The following FGF12 variants were observed in gnomAD, a reference collection of about 807,000 sequenced individuals.
The protein encoded by FGF12 is fibroblast growth factor 12B.
Under a neutral mutation model 23.6 loss-of-function variants are expected in FGF12, and 14 were observed. The ratio of observed to expected loss-of-function variants is 0.59; its 90% CI spans 0.39 to 0.93. The LOEUF is 0.93. Among genes scored for constraint, FGF12 ranks in the 40% least tolerant of loss-of-function variants. The pLI is 0.00. For synonymous variants in FGF12, 62 were observed against 77.3 expected (o/e 0.80, Z 1.04); for missense variants, 175 against 217.8 (o/e 0.80, Z 1.24).
In FGF12 at chr3:192,641,222, C is replaced by A. The variant is rs1276901443; in HGVS notation, c.13+85959G>T. ...CCGGGTTCACGCCATTCTCCTGCCT[C>A]AGCCTCCCAAGTAGCTGGGACTACA... is the stretch of plus-strand genomic sequence containing the variant. On this transcript the variant is annotated intron_variant, in intron 2 of 5. Transcript: ENST00000445105. Among the ~76,000 whole-genome samples the A allele has an allele frequency of 2.2e-4, 19 of 86,552 alleles. 7 individuals are homozygous for A. Among genetic ancestry groups the A allele is most frequent in the Non-Finnish European group, 4.2e-4 (17 of 40,144 alleles). 56.8% of individuals were successfully genotyped at this position (86,552 alleles called of 152,430 possible). A position where few individuals can be genotyped will look rare whatever the true frequency, so the allele number is the denominator to read the frequency against.
At chr3:192,390,296 C>CA (rs1194763518) in intron 2 of FGF12, among the ~76,000 whole-genome samples, 1 of 152,116 alleles carries the variant, frequency 6.6e-6, no homozygotes, top group Non-Finnish European at 1.5e-5. Context: ...ATGCCATACT[C>CA]AGAGTGTGGG....
intron 2 of FGF12, among the ~76,000 whole-genome samples, chr3:192,510,972 T>C (rs1379137327): frequency 6.6e-6 from 1 of 152,138 alleles, no homozygotes; most frequent in Non-Finnish European, 1.5e-5. Context: ...TTAGGAAAGA[T>C]GGAGTTTGAG....
intron 4 of FGF12, among the ~76,000 whole-genome samples, chr3:192,187,214 G>A (rs540964331): frequency 7.5e-4 from 114 of 152,272 alleles, no homozygotes; most frequent in Non-Finnish European, 1.4e-3. Context: ...TGGGAGAGCA[G>A]AACAATATGT....
At position 192,415,684 on chromosome 3, in the gene FGF12, T is replaced by C. The variant is rs1721325233; in HGVS notation, c.14-55146A>G. 1.3e-5 allele frequency among the ~76,000 whole-genome samples: 2 copies of C among 151,108 alleles called. 1 individual carries two copies. Among genetic ancestry groups the C allele is most frequent in the South Asian group, 4.2e-4 (2 of 4,784 alleles). On this transcript the variant is annotated intron_variant, in intron 2 of 5. Coordinates refer to ENST00000445105, the MANE Select transcript of FGF12 (RefSeq NM_004113.6). ...TCTGCTCTGATCACCCCCATCCCCA[T>C]ATCTAGGCCTATATTTTCAGTTCTG...
chr3:192,351,110 T>G (rs151240178), intron 3 of FGF12, among the ~76,000 whole-genome samples: 90 of 152,370 alleles, frequency 5.9e-4, no homozygotes, highest in African/African-American at 1.9e-3. Flanking sequence ...TTTTGCCTTC[T>G]TTTGTAATGT....
At chr3:192,644,702 T>C (rs1715935989) in intron 2 of FGF12, among the ~76,000 whole-genome samples, 1 of 152,210 alleles carries the variant, frequency 6.6e-6, no homozygotes, top group African/African-American at 2.4e-5. Flanking sequence ...GCTGTGGGAC[T>C]GCAAGTAAGA....
At chr3:192,246,839 GGAGAGAGAGAGAGGAAA>G (rs1279044301) in intron 4 of FGF12, among the ~76,000 whole-genome samples, 15 of 131,342 alleles carry the variant, frequency 1.1e-4, no homozygotes, top group South Asian at 2.4e-4. Flanking sequence ...AAAAAAAAAA[GGAGAGAGAGAGAGGAAA>G]GAGAGAGAGA....
At chr3:192,400,251 G>A (rs750528684) in intron 2 of FGF12, among the ~76,000 whole-genome samples, 4 of 152,052 alleles carry the variant, frequency 2.6e-5, no homozygotes, top group Non-Finnish European at 5.9e-5. Flanking sequence ...TTGACGATTC[G>A]AAGGCCAATG....
intron 3 of FGF12, among the ~76,000 whole-genome samples, chr3:192,357,925 A>T (rs1718549770): frequency 6.6e-6 from 1 of 152,208 alleles, no homozygotes; most frequent in Non-Finnish European, 1.5e-5. Context: ...ACATAGAAAC[A>T]ATGATTATAC....
At position 192,372,219 on chromosome 3, in the gene FGF12, G is replaced by A. The variant is rs1024106913; in HGVS notation, c.14-11681C>T. On this transcript the variant is annotated intron_variant, in intron 2 of 5. Coordinates refer to ENST00000445105, the MANE Select transcript of FGF12 (RefSeq NM_004113.6). ...CAGGCATGACAGTTCCCTGACATCA[G>A]GGGAGCTGCACAAATGTTGGACTTG... Among the ~76,000 whole-genome samples the A allele has an allele frequency of 2.7e-4, 41 of 152,204 alleles. 1 individual carries two copies. Among genetic ancestry groups the A allele is most frequent in the South Asian group, 2.1e-4 (1 of 4,830 alleles).
chr3:192,260,369 G>A (rs1312257142), intron 4 of FGF12, among the ~76,000 whole-genome samples: 5 of 152,176 alleles, frequency 3.3e-5, no homozygotes, highest in African/African-American at 1.2e-4. Context: ...TTTTTACTGT[G>A]CCAACTAATA....
At chr3:192,465,948 G>A (rs558668117) in intron 2 of FGF12, among the ~76,000 whole-genome samples, 2 of 152,150 alleles carry the variant, frequency 1.3e-5, no homozygotes, top group African/African-American at 4.8e-5. Context: ...AACTTCAGTG[G>A]ATAGTGCAAC....
At chr3:192,221,591 T>G (rs1401934915) in intron 4 of FGF12, among the ~76,000 whole-genome samples, 1 of 152,132 alleles carries the variant, frequency 6.6e-6, no homozygotes, top group Non-Finnish European at 1.5e-5. Context: ...TCATAAATAG[T>G]CCTTTAAATA....
intron 2 of FGF12, among the ~76,000 whole-genome samples, chr3:192,525,668 A>C (rs1241021543): frequency 6.6e-6 from 1 of 152,226 alleles, no homozygotes; most frequent in Non-Finnish European, 1.5e-5. Flanking sequence ...TTGAAGATTA[A>C]GTCGACAGTG....
chr3:192,705,391 G>T (rs1009375523), intron 2 of FGF12, among the ~76,000 whole-genome samples: 3 of 152,208 alleles, frequency 2.0e-5, no homozygotes, highest in Non-Finnish European at 4.4e-5. Flanking sequence ...GGAACAGACA[G>T]TCAGTCAGAA....
At chr3:192,496,551 C>T (rs1219721520) in intron 2 of FGF12, among the ~76,000 whole-genome samples, 1 of 152,156 alleles carries the variant, frequency 6.6e-6, no homozygotes, top group Non-Finnish European at 1.5e-5. Flanking sequence ...TTCTCATCAT[C>T]TCACATTCCC....
chr3:192,447,173 T>C (rs1354243233), intron 2 of FGF12, among the ~76,000 whole-genome samples: 1 of 152,222 alleles, frequency 6.6e-6, no homozygotes, highest in Non-Finnish European at 1.5e-5. Context: ...GTTGCTGTGT[T>C]CCTAGAGTGC....
At chr3:192,452,715 C>T (rs1218691570) in intron 2 of FGF12, among the ~76,000 whole-genome samples, 2 of 152,188 alleles carry the variant, frequency 1.3e-5, no homozygotes, top group African/African-American at 4.8e-5. Flanking sequence ...ACTCAGCATC[C>T]TTGTCCGTGA....
At position 192,142,543 on chromosome 3, in the gene FGF12, A is replaced by G. The variant is rs1713458334; in HGVS notation, c.*1466T>C. 6.6e-6 allele frequency: 1 copy of G among 152,360 alleles called. No homozygotes were observed. Among genetic ancestry groups the G allele is most frequent in the Non-Finnish European group, 1.5e-5 (1 of 67,944 alleles). 9.4% of individuals were successfully genotyped at this position (152,360 alleles called of 1,614,324 possible). On this transcript the variant is annotated 3_prime_UTR_variant, in exon 6 of 6. Coordinates refer to ENST00000445105, the MANE Select transcript of FGF12 (RefSeq NM_004113.6). ...TGTCTCTACACCACTCCTGATTTGT[A>G]GGACTAAATAGATCTATTTATTCCA...
Sources: allele counts gnomAD v4.1 joint callset (sites outside exome capture counted in the v4.1 genomes callset), GRCh38; gene constraint gnomAD v4.1.1; transcripts MANE v1.5; gene names NCBI Gene and HGNC (gene_info 2026-07-23, HGNC 2026-07-21).